ATP8B4: variants seen among roughly 807,000 people sequenced by gnomAD.
The protein encoded by ATP8B4 is probable phospholipid-transporting ATPase IM.
Under a neutral mutation model 145.6 loss-of-function variants are expected in ATP8B4, and 133 were observed. That is an observed-to-expected ratio of 0.91 (90% CI 0.79 to 1.05). The LOEUF is 1.05. ATP8B4 is among the 50% of genes least tolerant of loss of function. The probability of loss-of-function intolerance (pLI) is 0.00; values close to 1 mark genes in which losing one functional copy is unlikely to be tolerated. For synonymous variants in ATP8B4, 507 were observed against 492.9 expected (o/e 1.03, Z -0.38); for missense variants, 1,458 against 1,425.2 (o/e 1.02, Z -0.37).
intron 9 of ATP8B4, among the ~76,000 whole-genome samples, chr15:49,988,329 G>T (rs1172768318): frequency 6.6e-6 from 1 of 152,088 alleles, no homozygotes; most frequent in Non-Finnish European, 1.5e-5. Context: ...ATCTTTCACG[G>T]ACCCTGCCAC....
chr15:50,100,324 G>C (rs2056274372), intron 2 of ATP8B4, among the ~76,000 whole-genome samples: 1 of 152,186 alleles, frequency 6.6e-6, no homozygotes, highest in African/African-American at 2.4e-5. Flanking sequence ...TCTCCAGTCT[G>C]TGCCCCTCTG....
chr15:50,073,833 A>G (rs544119471), intron 3 of ATP8B4, among the ~76,000 whole-genome samples: 34 of 152,318 alleles, frequency 2.2e-4, no homozygotes, highest in African/African-American at 8.2e-4. Flanking sequence ...TATTATTCCT[A>G]TGGATTCTAC....
rs2009833 is a variant in ATP8B4, at chr15:49,901,356, G to C, written c.2142-117C>G. 5 of 1,086,754 alleles carry C rather than the reference G, an allele frequency of 4.6e-6. No homozygotes were observed. In the African/African-American group the frequency reaches 8.0e-5, roughly 17 times the overall value. 67.3% of individuals were successfully genotyped at this position (1,086,754 alleles called of 1,614,324 possible). A position where few individuals can be genotyped will look rare whatever the true frequency, so the allele number is the denominator to read the frequency against. ...TTCACCACTATTCAGAGAGAATATG[G>C]CATAAGACCCAGTTTCAGTAAGCAA... is the stretch of plus-strand genomic sequence containing the variant. On this transcript the variant is annotated intron_variant, in intron 20 of 27. Coordinates refer to ENST00000284509, the MANE Select transcript of ATP8B4 (RefSeq NM_024837.4).
chr15:50,087,355 T>TA (rs1555485691), intron 2 of ATP8B4, among the ~76,000 whole-genome samples: 1 of 52,334 alleles, frequency 1.9e-5, no homozygotes, highest in African/African-American at 1.3e-4. Context: ...GATCTATATA[T>TA]TATATATAAT....
At chr15:50,158,025 G>A (rs996088684) in intron 1 of ATP8B4, among the ~76,000 whole-genome samples, 30 of 152,342 alleles carry the variant, frequency 2.0e-4, no homozygotes, top group African/African-American at 6.3e-4. Context: ...CTGAGGTGCC[G>A]GGATTGCAGA....
At chr15:49,915,139 G>T (rs2039608719) in intron 20 of ATP8B4, among the ~76,000 whole-genome samples, 2 of 152,068 alleles carry the variant, frequency 1.3e-5, no homozygotes, top group Non-Finnish European at 2.9e-5. Context: ...CATCAAAAAA[G>T]AATGAAATCC....
Position 49,901,241 on chromosome 15 carries a change from T to A in ATP8B4, c.2142-2A>T. On this transcript the variant is annotated splice_acceptor_variant, in intron 20 of 27. Coordinates refer to ENST00000284509, the MANE Select transcript of ATP8B4 (RefSeq NM_024837.4). LOFTEE classifies it high-confidence loss of function. ...CCAAACAAATTTTGTTTTGCTTTCC[T>A]TAAAGGAGAGGGTGAAAAGTGAAAC... The A allele has an allele frequency of 6.2e-7, 1 of 1,612,718 alleles. No individual in the cohort carries two copies. Among genetic ancestry groups the A allele is most frequent in the Non-Finnish European group, 8.5e-7 (1 of 1,179,142 alleles).
intron 15 of ATP8B4, among the ~76,000 whole-genome samples, chr15:49,931,567 T>C (rs2413981): frequency 0.17 from 25,279 of 152,040 alleles, 2,481 homozygotes; most frequent in East Asian, 0.38. Flanking sequence ...GCCTCTTCAC[T>C]GTGCTCAGTT....
chr15:50,014,444 A>G (rs2048942175), intron 6 of ATP8B4, among the ~76,000 whole-genome samples: 1 of 152,142 alleles, frequency 6.6e-6, no homozygotes, highest in African/African-American at 2.4e-5. Flanking sequence ...CATTATTTCC[A>G]AAAACATTTG....
At chr15:49,962,848 T>C (rs1234423007) in intron 13 of ATP8B4, among the ~76,000 whole-genome samples, 1 of 152,174 alleles carries the variant, frequency 6.6e-6, no homozygotes, top group East Asian at 1.9e-4. Context: ...TATTTTCCCT[T>C]TCCCTATTGT....
intron 1 of ATP8B4, among the ~76,000 whole-genome samples, chr15:50,141,924 C>T (rs956540988): frequency 6.6e-6 from 1 of 152,116 alleles, no homozygotes; most frequent in African/African-American, 2.4e-5. Flanking sequence ...TGCGGTAAGC[C>T]AGAGGAGGGA....
In ATP8B4 at chr15:49,995,608, T is replaced by C. The variant is rs567359905; in HGVS notation, c.589+1069A>G. Among the ~76,000 whole-genome samples, 40 of 152,218 alleles carry C rather than the reference T, an allele frequency of 2.6e-4. 1 individual carries two copies. The highest frequency in any genetic ancestry group is 9.1e-4 in the African/African-American group (38 of 41,536). The stretch of plus-strand genomic sequence containing the variant: ...ACAAGCAATTGCAAAGCACAGGCAA[T>C]AGGAGCTCTAAGCTCTGCACTGGAG... On this transcript the variant is annotated intron_variant, in intron 9 of 27. Transcript: ENST00000284509.
chr15:49,901,255 G>A lies in ATP8B4; in HGVS notation c.2142-16C>T. ...TTTTGCTTTCCTTAAAGGAGAGGGT[G>A]AAAAGTGAAACATAACAAAGCATAC... On this transcript the variant is annotated splice_polypyrimidine_tract_variant and intron_variant, in intron 20 of 27. Coordinates refer to ENST00000284509, the MANE Select transcript of ATP8B4 (RefSeq NM_024837.4). 6.2e-7 allele frequency: 1 copy of A among 1,610,834 alleles called. No homozygotes were observed. The highest frequency in any genetic ancestry group is 1.7e-5 in the Admixed American group (1 of 59,790).
intron 3 of ATP8B4, among the ~76,000 whole-genome samples, chr15:50,060,519 C>T (rs1019721303): frequency 3.9e-5 from 6 of 152,140 alleles, no homozygotes; most frequent in Non-Finnish European, 5.9e-5. Context: ...TCCTTCATTT[C>T]CCCCATGTAA....
At chr15:49,887,969 C>T (rs533367420) in intron 23 of ATP8B4, among the ~76,000 whole-genome samples, 1 of 152,310 alleles carries the variant, frequency 6.6e-6, no homozygotes, top group African/African-American at 2.4e-5. Flanking sequence ...ACAGGATGAA[C>T]TTACTACCTC....
In ATP8B4 at chr15:49,866,451, T is replaced by C. The variant is rs2032801510; in HGVS notation, c.3061A>G (p.Asn1021Asp). ...ALDTSYWTFI[N>D]HVFIWGSIAI... ...ATGCTCCCCCAGATGAAGACGTGAT[T>C]AATGAAAGTCCAGTAACTGGTATCC... Residue 1021 changes from asparagine to aspartate, a missense_variant, in exon 26 of 28, where the codon AAT becomes GAT. By Grantham distance (23) the Asn-to-Asp change is conservative. Transcript: ENST00000284509. 2 of 1,613,682 alleles carry C rather than the reference T, an allele frequency of 1.2e-6. No individual in the cohort carries two copies. The highest frequency in any genetic ancestry group is 2.2e-5 in the South Asian group (2 of 91,086).
At chr15:49,996,816 A>C in intron 8 of ATP8B4, 57 bp from the exon 9 acceptor site, 1 of 1,411,732 alleles carries the variant, frequency 7.1e-7, no homozygotes, top group South Asian at 1.2e-5. Context: ...ACAGCATCCT[A>C]CCAAAGCAAT....
intron 14 of ATP8B4, among the ~76,000 whole-genome samples, chr15:49,939,444 C>T (rs1567035706): frequency 6.6e-6 from 1 of 151,980 alleles, no homozygotes; most frequent in East Asian, 1.9e-4. Context: ...CACAGAAACA[C>T]AAAAGATCCT....
In ATP8B4 at chr15:50,025,855, G is replaced by A. The variant is rs115487631; in HGVS notation, c.362+12913C>T. Among the ~76,000 whole-genome samples the A allele has an allele frequency of 1.3e-3, 194 of 152,312 alleles. 1 individual carries two copies. The highest frequency in any genetic ancestry group is 4.5e-3 in the African/African-American group (186 of 41,564). On this transcript the variant is annotated intron_variant, in intron 6 of 27. Transcript: ENST00000284509. ...GGATTCACTCAATAAAGATTGACAAGTAAATGAAAGGTAAGGAGACCATTA... is the reference window on the plus strand; with the variant it reads ...GGATTCACTCAATAAAGATTGACAAATAAATGAAAGGTAAGGAGACCATTA...
Sources: allele counts gnomAD v4.1 joint callset (sites outside exome capture counted in the v4.1 genomes callset), GRCh38; gene constraint gnomAD v4.1.1; transcripts MANE v1.5; gene names NCBI Gene and HGNC (gene_info 2026-07-23, HGNC 2026-07-21).